The following USP33 variants were observed in gnomAD, a reference collection of about 807,000 sequenced individuals.
The protein encoded by USP33 is ubiquitin specific peptidase 33, also known as ubiquitin carboxyl-terminal hydrolase 33.
A neutral mutation model predicts 124.2 loss-of-function variants in USP33; 46 were observed. The observed-to-expected ratio is 0.37, with a 90% CI of 0.29 to 0.47. The LOEUF is 0.47. Ranked by LOEUF, USP33 falls within the 20% of genes least tolerant of loss-of-function variation. The pLI is 0.99. For synonymous variants in USP33, 350 were observed against 352.3 expected, an observed-to-expected ratio of 0.99 and a Z score of 0.07; for missense variants, 851 against 1,070.6, an observed-to-expected ratio of 0.79 and a Z score of 2.86.
At chr1:77,730,402 C>T (rs987712730) in intron 8 of USP33, among the ~76,000 whole-genome samples, 20 of 152,084 alleles carry the variant, frequency 1.3e-4, no homozygotes, top group African/African-American at 4.6e-4. Flanking sequence ...ATACTATATC[C>T]AAATACTTGT....
chr1:77,728,759 A>G, intron 9 of USP33, 47 bp from the exon 10 acceptor site: 1 of 1,553,884 alleles, frequency 6.4e-7, no homozygotes, highest in Non-Finnish European at 8.7e-7. Flanking sequence ...ACATGTGTAT[A>G]TAGAAACGTA....
intron 20 of USP33, among the ~76,000 whole-genome samples, chr1:77,712,203 CT>C (rs1204235300): frequency 6.6e-6 from 1 of 152,232 alleles, no homozygotes; most frequent in East Asian, 1.9e-4. Flanking sequence ...AAGGCCTCCC[CT>C]GGCCTCTCAA....
intron 21 of USP33, among the ~76,000 whole-genome samples, chr1:77,706,271 A>G (rs1674618606): frequency 6.6e-6 from 1 of 152,220 alleles, no homozygotes; most frequent in Non-Finnish European, 1.5e-5. Context: ...CTCATCATTG[A>G]TATTCATAGG....
Position 77,703,660 on chromosome 1 carries a change from C to T in USP33, c.2407-2189G>A, listed in dbSNP as rs566545124. On this transcript the variant is annotated intron_variant, in intron 21 of 23. Coordinates refer to ENST00000370794, the MANE Select transcript of USP33 (RefSeq NM_201624.3). Reference sequence around the variant, plus strand: ...AAAATATAAAACTCCAACCTGACTCCTCCCCCTCACCAGTGTAATCTTGGT... The same window carrying T: ...AAAATATAAAACTCCAACCTGACTCTTCCCCCTCACCAGTGTAATCTTGGT... Among the ~76,000 whole-genome samples, 475 of 152,208 alleles carry T rather than the reference C, an allele frequency of 3.1e-3. 3 individuals are homozygous for T. Among genetic ancestry groups the T allele is most frequent in the Admixed American group, 4.4e-3 (67 of 15,266 alleles).
At chr1:77,717,594 T>C (rs552658849) in intron 17 of USP33, 62 of 217,706 alleles carry the variant, frequency 2.8e-4, no homozygotes, top group Middle Eastern at 3.1e-3. Context: ...TTATCTGACA[T>C]GTTTTTAATA....
intron 1 of USP33, among the ~76,000 whole-genome samples, chr1:77,744,143 A>G (rs1337027980): frequency 1.3e-5 from 2 of 152,052 alleles, no homozygotes; most frequent in East Asian, 1.9e-4. Flanking sequence ...AAAAAAGTTC[A>G]AAAAGAAGTC....
At chr1:77,715,996 T>C (rs1675836502) in intron 17 of USP33, 128 bp from the exon 18 acceptor site, 1 of 1,068,060 alleles carries the variant, frequency 9.4e-7, no homozygotes, top group African/African-American at 1.6e-5. Flanking sequence ...TTGTATTTTT[T>C]TTTCAGTTTG....
chr1:77,741,726 A>C lies in USP33; in HGVS notation c.-29T>G, dbSNP rs1442008539. 2.5e-6 allele frequency: 4 copies of C among 1,603,634 alleles called. No homozygotes were observed. The highest frequency in any genetic ancestry group is 3.4e-6 in the Non-Finnish European group (4 of 1,176,244). On this transcript the variant is annotated 5_prime_UTR_variant, in exon 2 of 24. Transcript: ENST00000370794. ...GTTAGGAATTTTTTCCTGTTTCCCA[A>C]GACTTTCAAAATGAGGTAACACCTA... is the stretch of plus-strand genomic sequence containing the variant.
chr1:77,743,372 T>A (rs1042494007), intron 1 of USP33, among the ~76,000 whole-genome samples: 1 of 152,164 alleles, frequency 6.6e-6, no homozygotes, highest in African/African-American at 2.4e-5. Flanking sequence ...TGTAAATACA[T>A]TTTTTTAAGA....
Position 77,697,091 on chromosome 1 carries a change from T to C in USP33, c.*226A>G, listed in dbSNP as rs991049205. ...AGCAAGACTCTGTCTCAAAAAAAAA[T>C]TACACTGAAAGACTTTATGGTAAGT... On this transcript the variant is annotated 3_prime_UTR_variant, in exon 24 of 24. Transcript: ENST00000370794. 46 of 347,986 alleles carry C rather than the reference T, an allele frequency of 1.3e-4. No individual in the cohort carries two copies. The highest frequency in any genetic ancestry group is 9.4e-4 in the African/African-American group (44 of 46,682). The allele number at this position is 347,986 out of a possible 1,614,324, so 21.6% of individuals were successfully genotyped here.
chr1:77,698,641 C>T (rs1306152777), intron 22 of USP33, among the ~76,000 whole-genome samples: 1 of 151,756 alleles, frequency 6.6e-6, no homozygotes, highest in Non-Finnish European at 1.5e-5. Context: ...GCTGGGACTA[C>T]AGGCACCCAC....
chr1:77,711,607 C>T (rs1675270698), intron 21 of USP33, 140 bp downstream of exon 21: 2 of 1,367,352 alleles, frequency 1.5e-6, no homozygotes, highest in Non-Finnish European at 2.0e-6. Context: ...TGCCTGAGGT[C>T]ATTCACCATT....
At chr1:77,732,714 G>C (rs948888906) in intron 7 of USP33, among the ~76,000 whole-genome samples, 14 of 151,188 alleles carry the variant, frequency 9.3e-5, no homozygotes, top group Admixed American at 8.6e-4. Flanking sequence ...GGAGCATTCT[G>C]CTAGGAATGC....
chr1:77,727,822 A>G (rs1403086643), intron 10 of USP33, among the ~76,000 whole-genome samples: 4 of 152,222 alleles, frequency 2.6e-5, no homozygotes, highest in African/African-American at 4.8e-5. Flanking sequence ...TTCTCAAAGG[A>G]ACACTGACTA....
At chr1:77,741,265 A>C (rs1169470019) in intron 3 of USP33, 111 bp downstream of exon 3, 5 of 1,051,668 alleles carry the variant, frequency 4.8e-6, no homozygotes, top group East Asian at 5.0e-5. Flanking sequence ...TTTAAAAGCA[A>C]GTTTAATTTA....
intron 4 of USP33, among the ~76,000 whole-genome samples, chr1:77,739,974 A>G (rs1678928876): frequency 6.6e-6 from 1 of 152,236 alleles, no homozygotes; most frequent in African/African-American, 2.4e-5. Flanking sequence ...AAAGAGGCAA[A>G]TGATATACAA....
At chr1:77,704,935 T>C (rs958704771) in intron 21 of USP33, among the ~76,000 whole-genome samples, 1 of 152,106 alleles carries the variant, frequency 6.6e-6, no homozygotes, top group Non-Finnish European at 1.5e-5. Flanking sequence ...AAGGTCATCA[T>C]CCGTATCTGT....
chr1:77,704,649 T>C (rs991534971), intron 21 of USP33, among the ~76,000 whole-genome samples: 1 of 152,230 alleles, frequency 6.6e-6, no homozygotes, highest in African/African-American at 2.4e-5. Context: ...CTATCCAACA[T>C]GTCAAAACTT....
intron 7 of USP33, among the ~76,000 whole-genome samples, 178 bp downstream of exon 7, chr1:77,734,169 T>A (rs1678157957): frequency 1.3e-5 from 2 of 152,186 alleles, no homozygotes; most frequent in African/African-American, 4.8e-5. Context: ...ACCAGCAGCC[T>A]CAAGAAACTA....
Sources: gnomAD v4.1 joint callset for allele counts (sites outside exome capture counted in the v4.1 genomes callset) on GRCh38, gnomAD v4.1.1 for gene constraint, MANE v1.5 for transcripts, NCBI Gene and HGNC (gene_info 2026-07-23, HGNC 2026-07-21) for gene names.